CSMD1: variants seen among roughly 807,000 people sequenced by gnomAD.
The protein encoded by CSMD1 is CUB and Sushi multiple domains 1.
CSMD1 carries 213 observed loss-of-function variants against 417.5 expected under a neutral mutation model. That is an observed-to-expected ratio of 0.51 (90% confidence interval 0.46 to 0.57). The LOEUF (loss-of-function observed/expected upper bound fraction) is 0.57. Among genes scored for constraint, CSMD1 ranks in the 20% least tolerant of loss-of-function variants. CSMD1 has a pLI of 0.00. For missense variants in CSMD1, 6,923 were observed against 4,529.7 expected, an observed-to-expected ratio of 1.53 and a Z score of -15.17; for synonymous variants, 2,862 against 1,736.8, an observed-to-expected ratio of 1.65 and a Z score of -16.11.
intron 5 of CSMD1, among the ~76,000 whole-genome samples, chr8:3,807,672 T>C (rs548545083): frequency 1.3e-5 from 2 of 152,308 alleles, no homozygotes; most frequent in East Asian, 1.9e-4. Flanking sequence ...TACACATCTC[T>C]ATATAATTAA....
intron 5 of CSMD1, among the ~76,000 whole-genome samples, chr8:3,881,676 A>G (rs772369394): frequency 6.6e-6 from 1 of 152,014 alleles, no homozygotes; most frequent in Non-Finnish European, 1.5e-5. Context: ...AAGAAAACAA[A>G]AAAAAACAAT....
intron 5 of CSMD1, among the ~76,000 whole-genome samples, chr8:3,771,442 C>T (rs78200907): frequency 0.11 from 17,102 of 152,140 alleles, 1,484 homozygotes; most frequent in African/African-American, 0.24. Context: ...GCAAGTTCTT[C>T]TCTCAGTTGC....
In CSMD1 at chr8:4,083,415, G is replaced by C. The variant is rs543319844; in HGVS notation, c.416-51316C>G. On this transcript the variant is annotated intron_variant, in intron 3 of 69. Transcript: ENST00000635120. ...TTTTTTGGCTGCATAAATGTCTTCC[G>C]CATCACGCCACCTGACTTCAAACTA... Among the ~76,000 whole-genome samples the C allele has an allele frequency of 2.8e-4, 43 of 152,100 alleles. 1 individual carries two copies. In the Middle Eastern group the frequency reaches 0.014, roughly 48 times the overall value.
chr8:3,010,015 T>G (rs957079743), intron 52 of CSMD1, among the ~76,000 whole-genome samples: 2 of 152,210 alleles, frequency 1.3e-5, no homozygotes, highest in African/African-American at 4.8e-5. Flanking sequence ...CATTTCCACC[T>G]TCTTCCCTGG....
intron 8 of CSMD1, among the ~76,000 whole-genome samples, chr8:3,608,607 C>A (rs904222002): frequency 4.0e-5 from 6 of 151,406 alleles, no homozygotes; most frequent in Admixed American, 6.6e-5. Context: ...ATTAAAAATG[C>A]AAAAAAATTA....
chr8:4,513,994 C>T (rs1452514269), intron 2 of CSMD1, among the ~76,000 whole-genome samples: 1 of 152,146 alleles, frequency 6.6e-6, no homozygotes, highest in South Asian at 2.1e-4. Context: ...GCTAAAGAGC[C>T]TCCTCATTTG....
intron 1 of CSMD1, among the ~76,000 whole-genome samples, chr8:4,814,703 A>G (rs1799105851): frequency 6.6e-6 from 1 of 152,208 alleles, no homozygotes; most frequent in South Asian, 2.1e-4. Context: ...CAGCTCATGC[A>G]GGTGTACCCT....
chr8:3,271,119 C>A (rs1050668340), intron 26 of CSMD1, among the ~76,000 whole-genome samples: 3 of 141,830 alleles, frequency 2.1e-5, no homozygotes, highest in Admixed American at 7.4e-5. Context: ...TGATGTTCCC[C>A]TTCCTGTGTT....
At chr8:3,085,282 A>G (rs918339498) in intron 49 of CSMD1, among the ~76,000 whole-genome samples, 3 of 152,224 alleles carry the variant, frequency 2.0e-5, no homozygotes, top group East Asian at 1.9e-4. Context: ...ATGCATGAAG[A>G]AAAAAACAAA....
chr8:4,834,755 G>A (rs1257668834), intron 1 of CSMD1, among the ~76,000 whole-genome samples: 3 of 151,670 alleles, frequency 2.0e-5, no homozygotes, highest in African/African-American at 7.3e-5. Flanking sequence ...AGGAGATCGA[G>A]ACCATCCTGG....
intron 1 of CSMD1, among the ~76,000 whole-genome samples, chr8:4,975,011 C>G (rs1810468489): frequency 6.6e-6 from 1 of 152,054 alleles, no homozygotes; most frequent in Admixed American, 6.6e-5. Flanking sequence ...ATGTTTTTTT[C>G]TAGAGCTCTA....
intron 6 of CSMD1, among the ~76,000 whole-genome samples, chr8:3,739,477 A>G (rs1796686235): frequency 6.6e-6 from 1 of 152,244 alleles, no homozygotes; most frequent in Non-Finnish European, 1.5e-5. Context: ...TTTGATCACT[A>G]CACATATTAT....
rs571328942 is a variant in CSMD1 at position 4,821,454 on chromosome 8, C to A, written c.85+172878G>T. On this transcript the variant is annotated intron_variant, in intron 1 of 69. Transcript: ENST00000635120. ...ATTAAGGTAAAAATCTCATACTACG[C>A]AGTAAGACAGTACAGGGAACGCACT... 2.0e-4 allele frequency among the ~76,000 whole-genome samples: 30 copies of A among 152,258 alleles called. No individual in the cohort carries two copies. In the South Asian group the frequency reaches 6.2e-3, roughly 32 times the overall value.
chr8:4,207,321 C>T (rs914608268), intron 3 of CSMD1, among the ~76,000 whole-genome samples: 3 of 152,070 alleles, frequency 2.0e-5, no homozygotes, highest in Non-Finnish European at 4.4e-5. Context: ...CTTTTAGTGG[C>T]TAGGACTCGT....
intron 62 of CSMD1, among the ~76,000 whole-genome samples, chr8:2,960,901 TG>T (rs1327842913): frequency 6.8e-6 from 1 of 147,334 alleles, no homozygotes; most frequent in Non-Finnish European, 1.5e-5. Flanking sequence ...AATTTCTATA[TG>T]AAATTATGCA....
chr8:2,990,909 C>T (rs955684236), intron 54 of CSMD1, among the ~76,000 whole-genome samples: 5 of 152,192 alleles, frequency 3.3e-5, no homozygotes, highest in Admixed American at 6.5e-5. Flanking sequence ...CCCAGGGAAG[C>T]GCAGAACTGC....
chr8:3,496,821 C>A (rs540323774), intron 10 of CSMD1, among the ~76,000 whole-genome samples: 1 of 152,222 alleles, frequency 6.6e-6, no homozygotes, highest in South Asian at 2.1e-4. Context: ...CAGAGTGAGA[C>A]TCCGTCTCAA....
chr8:2,962,635 C>A lies in CSMD1; in HGVS notation c.9459G>T (p.Val3153=). ...WKGEIPQCLP[V]FCGDPGIPAE... ...CGGGGATGCCAGGGTCTCCGCAGAA[C>A]ACAGCTATGGAAGATAACCAGGAAG... Residue 3153 remains valine, a synonymous_variant, in exon 61 of 70, where the codon GTG becomes GTT. Transcript: ENST00000635120. The A allele has an allele frequency of 6.2e-7, 1 of 1,613,552 alleles. No individual in the cohort carries two copies. The highest frequency in any genetic ancestry group is 8.5e-7 in the Non-Finnish European group (1 of 1,179,658).
At chr8:3,467,504 C>G (rs1271908778) in intron 12 of CSMD1, among the ~76,000 whole-genome samples, 3 of 152,158 alleles carry the variant, frequency 2.0e-5, no homozygotes, top group Admixed American at 1.3e-4. Context: ...CCTCTGCATT[C>G]TAGTTTTAGT....
Sources: allele counts gnomAD v4.1 joint callset (sites outside exome capture counted in the v4.1 genomes callset), GRCh38; gene constraint gnomAD v4.1.1; transcripts MANE v1.5; gene names NCBI Gene and HGNC (gene_info 2026-07-23, HGNC 2026-07-21).